The following CHD4 variants were observed in gnomAD, a reference collection of about 807,000 sequenced individuals.
CHD4 encodes the protein chromodomain helicase DNA binding protein 4.
A neutral mutation model predicts 235.5 loss-of-function variants in CHD4; 35 were observed. The ratio of observed to expected loss-of-function variants is 0.15; its 90% CI spans 0.11 to 0.20. The LOEUF is 0.20. Ranked by LOEUF, CHD4 falls within the 10% of genes least tolerant of loss-of-function variation. The pLI, the probability that CHD4 is intolerant of heterozygous loss-of-function variation, is 1.00. For synonymous variants in CHD4, 900 were observed against 850.2 expected (o/e 1.06, Z -1.02); for missense variants, 1,329 against 2,432.3 (o/e 0.55, Z 9.54).
chr12:6,592,745 G>A lies in CHD4; in HGVS notation c.2725C>T (p.Leu909=), dbSNP rs748238713. 1.2e-5 allele frequency: 19 copies of A among 1,614,118 alleles called. No individual in the cohort carries two copies. The highest frequency in any genetic ancestry group is 1.6e-5 in the Non-Finnish European group (19 of 1,180,016). The part of the protein sequence containing the change: ...LLTGTPLQNN[L]EELFHLLNFL... ...TTGAGCAGATGAAACAACTCTTCCA[G>A]ATTGTTTTGTAATGGTGTCCCAGTC... The change falls in exon 18 of 40, where the codon CTG becomes TTG. Residue 909 remains leucine (L), a synonymous_variant. Transcript: ENST00000544040.
chr12:6,588,057 T>G (rs1948329002), intron 23 of CHD4, 108 bp from the exon 24 acceptor site: 1 of 1,251,242 alleles, frequency 8.0e-7, no homozygotes, highest in African/African-American at 1.5e-5. Flanking sequence ...GTCCACAGCC[T>G]ACATTCATAG....
Position 6,594,490 on chromosome 12 carries a change from G to A in CHD4, c.2282C>T (p.Thr761Ile), listed in dbSNP as rs1565613098. Residue 761 changes from threonine (T) to isoleucine (I), a missense_variant, in exon 15 of 40, where the codon ACA (threonine) becomes ATA (isoleucine). Thr to Ile is a moderately conservative substitution (Grantham distance 89, BLOSUM62 -1). This residue lies in a region of CHD4 where 78 missense variants were observed against 174.8 expected (regional missense o/e 0.45). Coordinates refer to ENST00000544040, the MANE Select transcript of CHD4 (RefSeq NM_001273.5). ...GTAAAGGGAATACAGGAAGACTGCT[G>A]TCTGTACAGTTTTCCCAAGGCCCAT... The part of the protein sequence containing the change: ...DEMGLGKTVQ[T>I]AVFLYSLYKE... 6.2e-7 allele frequency: 1 copy of A among 1,613,580 alleles called. No individual in the cohort carries two copies. The highest frequency in any genetic ancestry group is 8.5e-7 in the Non-Finnish European group (1 of 1,179,758).
intron 22 of CHD4, among the ~76,000 whole-genome samples, chr12:6,590,751 T>C (rs1201096253): frequency 1.3e-5 from 2 of 151,810 alleles, no homozygotes; most frequent in Non-Finnish European, 2.9e-5. Flanking sequence ...AGCCTGGGGG[T>C]GTGTCCAGGC....
In CHD4 at chr12:6,593,036, T is replaced by C. The variant is rs1948427828; in HGVS notation, c.2652+55A>G. The C allele has an allele frequency of 1.2e-6, 2 of 1,601,460 alleles. No homozygotes were observed. Among genetic ancestry groups the C allele is most frequent in the East Asian group, 4.5e-5 (2 of 44,782 alleles). ...ACAAGTTTTCCCCTTAATGAATTGG[T>C]AGTACTAGAAAAAACCCAAAGTGGG... On this transcript the variant is annotated intron_variant, in intron 17 of 39. Coordinates refer to ENST00000544040, the MANE Select transcript of CHD4 (RefSeq NM_001273.5). The surrounding 1 kb of genome is among the most constrained non-coding windows in gnomAD (Gnocchi z 4.9).
chr12:6,583,533 T>G, intron 25 of CHD4, 155 bp from the exon 26 acceptor site: 1 of 633,550 alleles, frequency 1.6e-6, no homozygotes, highest in Non-Finnish European at 2.7e-6. Flanking sequence ...AGAAGAAATT[T>G]GATTGAGAGT....
chr12:6,595,852 G>C lies in CHD4; in HGVS notation c.2024+154C>G, dbSNP rs546140789. Among the ~76,000 whole-genome samples the C allele has an allele frequency of 2.6e-5, 4 of 151,268 alleles. No individual in the cohort carries two copies. The South Asian group carries it at 8.4e-4, about 32-fold the overall frequency. ...GTATGCAAATAATCCCAGCTACTCAGGAGGCTAAGGCAGGAGAATCGTTTG... is the reference window on the plus strand; with the variant it reads ...GTATGCAAATAATCCCAGCTACTCACGAGGCTAAGGCAGGAGAATCGTTTG... On this transcript the variant is annotated intron_variant, in intron 13 of 39. Transcript: ENST00000544040.
At position 6,570,883 on chromosome 12, in the gene CHD4, G is replaced by T; in HGVS notation, c.5707C>A (p.Pro1903Thr). 6.2e-7 allele frequency: 1 copy of T among 1,614,180 alleles called. No individual in the cohort carries two copies. The highest frequency in any genetic ancestry group is 8.5e-7 in the Non-Finnish European group (1 of 1,180,030). Residue 1903 changes from proline (P) to threonine (T), a missense_variant, in exon 39 of 40, where the codon CCT becomes ACT. By Grantham distance (38) the Pro-to-Thr change is conservative. Around this residue, in one of 26 missense-constraint regions of CHD4, gnomAD observed 135 missense variants for 282.3 expected, o/e 0.48. Transcript: ENST00000544040. Reference protein sequence around the residue: ...LSRLANRAPEPTPQQVAQQQ With the variant: ...LSRLANRAPETTPQQVAQQQ The stretch of plus-strand genomic sequence containing the variant: ...AATGGTCCTACCTGCTGTGGGGTAG[G>T]TTCGGGTGCCCGGTTTGCCAGGCGG...
At chr12:6,601,871 G>A (rs1334162483) in intron 4 of CHD4, 89 bp downstream of exon 4, 26 of 1,568,056 alleles carry the variant, frequency 1.7e-5, no homozygotes, top group Non-Finnish European at 2.1e-5. Flanking sequence ...AGGAAAAGAA[G>A]AGAAAGTGTT....
intron 25 of CHD4, chr12:6,583,681 G>A (rs908348459): frequency 7.0e-6 from 2 of 285,748 alleles, no homozygotes; most frequent in Non-Finnish European, 1.3e-5. Context: ...ATATACAATT[G>A]AAAGATAGCA....
chr12:6,602,003 C>A lies in CHD4; in HGVS notation c.395G>T (p.Arg132Leu). The change falls in exon 4 of 40, where the codon CGG (arginine) becomes CTG (leucine). Residue 132 changes from arginine (R) to leucine (L), a missense_variant. Transcript: ENST00000544040. ...ATCCTCCTCCTCCTCCTCCTCCTTC[C>A]GCTTGGATTTGCTCTTCTTCTCTTT... ...PKKEKKSKSK[R>L]KEEEEEEDDD... is the part of the protein sequence containing the mutation. 1.2e-6 allele frequency: 2 copies of A among 1,610,746 alleles called. No homozygotes were observed. Among genetic ancestry groups the A allele is most frequent in the Non-Finnish European group, 1.7e-6 (2 of 1,179,934 alleles).
At chr12:6,606,148 G>T in intron 2 of CHD4, 126 bp downstream of exon 2, 1 of 642,568 alleles carries the variant, frequency 1.6e-6, no homozygotes, top group South Asian at 2.1e-5. Context: ...CACTCCCTTC[G>T]GATACCCTCC....
chr12:6,598,019 A>C lies in CHD4; in HGVS notation c.1767T>G (p.Gly589=). 1 of 1,614,014 alleles carries C rather than the reference A, an allele frequency of 6.2e-7. No homozygotes were observed. Among genetic ancestry groups the C allele is most frequent in the Non-Finnish European group, 8.5e-7 (1 of 1,179,988 alleles). ...DMDEPPSGDF[G]GDEEKSRKRK... is the part of the protein sequence containing the mutation. ...GCTTTCGGCTTTTCTCTTCATCACCACCAAAGTCCCCAGAAGGTGGCTCAT... is the reference window on the plus strand; with the variant it reads ...GCTTTCGGCTTTTCTCTTCATCACCCCCAAAGTCCCCAGAAGGTGGCTCAT... The change falls in exon 12 of 40, where the codon GGT becomes GGG. Residue 589 remains glycine (G), a synonymous_variant. Transcript: ENST00000544040.
chr12:6,571,139 T>A, intron 38 of CHD4, 107 bp from the exon 39 acceptor site: 2 of 1,306,688 alleles, frequency 1.5e-6, no homozygotes, highest in Non-Finnish European at 2.1e-6. Context: ...GTAACTGTGA[T>A]GTATTGTCTT....
intron 25 of CHD4, among the ~76,000 whole-genome samples, chr12:6,585,580 C>T (rs1010881181): frequency 6.6e-6 from 1 of 151,662 alleles, no homozygotes; most frequent in Non-Finnish European, 1.5e-5. Context: ...CCACGTCTGG[C>T]CCAATTCTAA....
At chr12:6,580,710 A>AAAAAAAAAAAC (rs1948167587) in intron 33 of CHD4, 8 of 196,074 alleles carry the variant, frequency 4.1e-5, no homozygotes, top group African/African-American at 6.2e-5. Flanking sequence ...CTTTGAAAAA[A>AAAAAAAAAAAC]AAAAAAAAAA....
chr12:6,570,156 C>T lies in CHD4; in HGVS notation c.*520G>A, dbSNP rs1592253833. On this transcript the variant is annotated 3_prime_UTR_variant, in exon 40 of 40. Transcript: ENST00000544040. ...TGGTTTTTTATGCTTTTGGTTTTTT[C>T]CTTTTTTTTTTTTTCCACTTTATTT... is the stretch of plus-strand genomic sequence containing the variant. 1 of 150,080 alleles carries T rather than the reference C, an allele frequency of 6.7e-6. No individual in the cohort carries two copies. The highest frequency in any genetic ancestry group is 1.5e-5 in the Non-Finnish European group (1 of 67,960). 9.3% of individuals were successfully genotyped at this position (150,080 alleles called of 1,614,324 possible).
At chr12:6,586,233 C>T (rs1257843741) in intron 25 of CHD4, among the ~76,000 whole-genome samples, 1 of 150,926 alleles carries the variant, frequency 6.6e-6, no homozygotes, top group East Asian at 2.0e-4. Context: ...CCCATCTCTA[C>T]TAAAAATACA....
intron 37 of CHD4, among the ~76,000 whole-genome samples, chr12:6,577,400 C>T (rs1489217020): frequency 4.5e-5 from 6 of 133,172 alleles, no homozygotes; most frequent in African/African-American, 8.9e-5. Context: ...CCAGCCTGGG[C>T]GACAGAGATT....
In CHD4 at chr12:6,598,430, G is replaced by A. The variant is rs139702202; in HGVS notation, c.1483-5C>T. On this transcript the variant is annotated splice_polypyrimidine_tract_variant and splice_region_variant and intron_variant, in intron 10 of 39. Coordinates refer to ENST00000544040, the MANE Select transcript of CHD4 (RefSeq NM_001273.5). Reference sequence around the variant, plus strand: ...TTTGCCCTTCAGAGCTGGACACTGAGAGAAAAAGAGACAACTTAATCTCAA... The same window carrying A: ...TTTGCCCTTCAGAGCTGGACACTGAAAGAAAAAGAGACAACTTAATCTCAA... The A allele has an allele frequency of 0.011, 18,011 of 1,579,840 alleles. 253 individuals carry two copies. The highest frequency in any genetic ancestry group is 0.053 in the Admixed American group (2,844 of 53,742).
Sources: gnomAD v4.1 joint callset for allele counts (sites outside exome capture counted in the v4.1 genomes callset) on GRCh38, gnomAD v4.1.1 for gene constraint, gnomAD v4.1.1 regional missense constraint, Gnocchi (gnomAD v3.1) non-coding constraint, MANE v1.5 for transcripts, NCBI Gene and HGNC (gene_info 2026-07-23, HGNC 2026-07-21) for gene names.